MYO3A: variants seen among roughly 807,000 people sequenced by gnomAD.
The protein encoded by MYO3A is myosin-IIIa.
In MYO3A, 180 loss-of-function variants were observed where a neutral mutation model predicts 192.7. That is an observed-to-expected ratio of 0.93 (90% confidence interval 0.83 to 1.06). The LOEUF (loss-of-function observed/expected upper bound fraction) is 1.06. Among genes scored for constraint, MYO3A ranks in the 50% least tolerant of loss-of-function variants. MYO3A has a pLI of 0.00. For synonymous variants in MYO3A, 628 were observed against 645.3 expected (o/e 0.97, Z 0.41); for missense variants, 1,896 against 1,905.0 (o/e 1.00, Z 0.09).
intron 14 of MYO3A, among the ~76,000 whole-genome samples, chr10:26,084,063 A>T (rs1268773920): frequency 6.6e-6 from 1 of 152,230 alleles, no homozygotes; most frequent in Non-Finnish European, 1.5e-5. Context: ...AAGGCCTCTT[A>T]TGAGTTATAC....
In MYO3A at chr10:25,978,537, C is replaced by T. The variant is rs376597304; in HGVS notation, c.304-17953C>T. On this transcript the variant is annotated intron_variant, in intron 4 of 34. Coordinates refer to ENST00000642920, the MANE Select transcript of MYO3A (RefSeq NM_017433.5). ...GATTCAATTACCTCCCACCAGGTCT[C>T]TTCCACAACACATGGAAATTGAAGA... is the stretch of plus-strand genomic sequence containing the variant. Among the ~76,000 whole-genome samples the T allele has an allele frequency of 3.3e-4, 50 of 152,154 alleles. 1 individual carries two copies. Among genetic ancestry groups the T allele is most frequent in the Admixed American group, 5.2e-4 (8 of 15,276 alleles).
At chr10:26,075,864 A>G (rs1214705916) in intron 14 of MYO3A, among the ~76,000 whole-genome samples, 4 of 150,716 alleles carry the variant, frequency 2.7e-5, no homozygotes, top group African/African-American at 9.8e-5. Flanking sequence ...ATATATCTAT[A>G]TGTATCTCAC....
chr10:26,131,900 G>T (rs1210127450), intron 20 of MYO3A, among the ~76,000 whole-genome samples: 5 of 152,090 alleles, frequency 3.3e-5, no homozygotes, highest in Non-Finnish European at 7.4e-5. Context: ...TAAAATTTAA[G>T]ACTCAACCCC....
Position 26,197,479 on chromosome 10 carries a change from C to T in MYO3A, c.4546-3786C>T, listed in dbSNP as rs60034538. ...ATACTTACCAGAAGATCCCTGACTG[C>T]CATGGCTAAGGCAGCACCCAATCTC... On this transcript the variant is annotated intron_variant, in intron 32 of 34. Transcript: ENST00000642920. Among the ~76,000 whole-genome samples, 24 of 152,348 alleles carry T rather than the reference C, an allele frequency of 1.6e-4. No homozygotes were observed. The East Asian group carries it at 4.6e-3, about 29-fold the overall frequency.
At chr10:26,061,139 C>G (rs1351790811) in intron 10 of MYO3A, among the ~76,000 whole-genome samples, 1 of 152,008 alleles carries the variant, frequency 6.6e-6, no homozygotes, top group East Asian at 1.9e-4. Context: ...CCGTGTTAGC[C>G]AGGATGGTCT....
chr10:26,093,127 C>T (rs1424595524), intron 15 of MYO3A, among the ~76,000 whole-genome samples: 1 of 152,106 alleles, frequency 6.6e-6, no homozygotes, highest in Non-Finnish European at 1.5e-5. Flanking sequence ...TTAACTGATA[C>T]AAATGTGATC....
intron 4 of MYO3A, among the ~76,000 whole-genome samples, chr10:25,983,507 T>A (rs937846997): frequency 3.3e-5 from 5 of 152,124 alleles, no homozygotes; most frequent in African/African-American, 9.7e-5. Flanking sequence ...TCCACCCGCC[T>A]CGGCCTCCCA....
intron 19 of MYO3A, among the ~76,000 whole-genome samples, chr10:26,126,661 A>G (rs538650749): frequency 6.6e-6 from 1 of 152,246 alleles, no homozygotes; most frequent in South Asian, 2.1e-4. Flanking sequence ...TATTATCTGT[A>G]TATTCCAGAA....
In MYO3A at chr10:26,041,664, C is replaced by A. The variant is rs191385355; in HGVS notation, c.953+15132C>A. Among the ~76,000 whole-genome samples the A allele has an allele frequency of 6.4e-4, 97 of 151,358 alleles. No homozygotes were observed. The Middle Eastern group carries it at 0.02, about 32-fold the overall frequency. On this transcript the variant is annotated intron_variant, in intron 10 of 34. Coordinates refer to ENST00000642920, the MANE Select transcript of MYO3A (RefSeq NM_017433.5). ...ATAACCCATTATTGTAAGCTGATAA[C>A]AACTTAACAATGTTTGCATAAACAA...
At chr10:25,936,065 C>A (rs1404704007) in intron 2 of MYO3A, among the ~76,000 whole-genome samples, 1 of 151,850 alleles carries the variant, frequency 6.6e-6, no homozygotes, top group East Asian at 1.9e-4. Context: ...TTGTCTTAGT[C>A]CTTTAAAATT....
chr10:26,182,444 C>CA (rs1322165362), intron 31 of MYO3A, among the ~76,000 whole-genome samples: 1 of 152,016 alleles, frequency 6.6e-6, no homozygotes, highest in East Asian at 1.9e-4. Flanking sequence ...TGATAGGAAC[C>CA]AAAAACCCTT....
chr10:26,043,295 A>G (rs1386754569), intron 10 of MYO3A, among the ~76,000 whole-genome samples: 2 of 152,066 alleles, frequency 1.3e-5, no homozygotes, highest in Non-Finnish European at 2.9e-5. Context: ...CCCCATGCCC[A>G]CTGTAACCAC....
At chr10:26,187,898 A>G (rs1589104305) in intron 31 of MYO3A, among the ~76,000 whole-genome samples, 1 of 152,088 alleles carries the variant, frequency 6.6e-6, no homozygotes, top group Non-Finnish European at 1.5e-5. Context: ...TCATTGTTGG[A>G]CATTTGGGTT....
chr10:26,164,277 T>C (rs1450720878), intron 26 of MYO3A, among the ~76,000 whole-genome samples: 1 of 152,086 alleles, frequency 6.6e-6, no homozygotes, highest in Non-Finnish European at 1.5e-5. Context: ...CACACAAACA[T>C]CCATTTTGTA....
chr10:26,164,832 C>A (rs1841657807), intron 26 of MYO3A, among the ~76,000 whole-genome samples: 1 of 152,116 alleles, frequency 6.6e-6, no homozygotes, highest in Non-Finnish European at 1.5e-5. Flanking sequence ...AACTGTGAGA[C>A]CCTGGCTGGT....
At chr10:26,153,368 A>G (rs1227441528) in intron 23 of MYO3A, among the ~76,000 whole-genome samples, 1 of 152,210 alleles carries the variant, frequency 6.6e-6, no homozygotes, top group Non-Finnish European at 1.5e-5. Flanking sequence ...GCATTTGTGT[A>G]GTCCTTAGAA....
intron 10 of MYO3A, among the ~76,000 whole-genome samples, chr10:26,054,075 G>C (rs920129688): frequency 6.6e-6 from 1 of 152,152 alleles, no homozygotes; most frequent in African/African-American, 2.4e-5. Context: ...GGGACACACT[G>C]TTAGGAGATA....
intron 10 of MYO3A, among the ~76,000 whole-genome samples, chr10:26,028,715 A>G (rs950166700): frequency 2.6e-5 from 4 of 152,308 alleles, no homozygotes; most frequent in African/African-American, 9.6e-5. Flanking sequence ...GGTAGAAGAC[A>G]CAAGATTCAT....
chr10:25,956,495 A>ATTTTTTTTTTTTTT (rs562368305), intron 4 of MYO3A, among the ~76,000 whole-genome samples: 1 of 128,846 alleles, frequency 7.8e-6, no homozygotes. Flanking sequence ...GCCCAGCTAA[A>ATTTTTTTTTTTTTT]TTTTTTTTTT....
Sources: allele counts gnomAD v4.1 joint callset (sites outside exome capture counted in the v4.1 genomes callset), GRCh38; gene constraint gnomAD v4.1.1; transcripts MANE v1.5; gene names NCBI Gene and HGNC (gene_info 2026-07-23, HGNC 2026-07-21).